The following SYNE2 variants were observed in gnomAD, a reference collection of about 807,000 sequenced individuals.
SYNE2 encodes the protein spectrin repeat containing nuclear envelope protein 2, also known as nesprin-2.
In SYNE2, 431 loss-of-function variants were observed where a neutral mutation model predicts 856.3. The ratio of observed to expected loss-of-function variants is 0.50; its 90% CI spans 0.47 to 0.55. The LOEUF is 0.55. Ranked by LOEUF, SYNE2 falls within the 20% of genes least tolerant of loss-of-function variation. SYNE2 has a pLI of 0.00. For missense variants in SYNE2, 8,129 were observed against 8,023.2 expected, an observed-to-expected ratio of 1.01 and a Z score of -0.50; for synonymous variants, 2,923 against 2,872.3, an observed-to-expected ratio of 1.02 and a Z score of -0.56.
chr14:64,177,723 GT>G (rs2098441348), intron 96 of SYNE2, among the ~76,000 whole-genome samples: 1 of 152,170 alleles, frequency 6.6e-6, no homozygotes, highest in Non-Finnish European at 1.5e-5. Context: ...GATCTTAGGG[GT>G]TTTCTCCTTC....
Position 64,052,973 on chromosome 14 carries a change from A to G in SYNE2, c.9060A>G (p.Leu3020=). The change falls in exon 48 of 116, where the codon TTA becomes TTG. Residue 3020 remains leucine (L), a synonymous_variant. Transcript: ENST00000555002. ...GGGATTTTTCACAACTTGACCAATT[A>G]CAAACCCAAGTATTTGAAAAAGAAA... ...LNWDFSQLDQ[L]QTQVFEKEKE... 5 of 1,610,598 alleles carry G rather than the reference A, an allele frequency of 3.1e-6. No individual in the cohort carries two copies. The highest frequency in any genetic ancestry group is 4.2e-6 in the Non-Finnish European group (5 of 1,179,244).
At chr14:64,098,183 C>T (rs374904510) in intron 62 of SYNE2, 37 bp downstream of exon 62, 29 of 1,603,922 alleles carry the variant, frequency 1.8e-5, no homozygotes, top group African/African-American at 5.4e-5. Context: ...GCCCCACACT[C>T]CACAAGAGCA....
intron 77 of SYNE2, 31 bp downstream of exon 77, chr14:64,132,469 G>C: frequency 6.2e-7 from 1 of 1,613,676 alleles, no homozygotes; most frequent in Non-Finnish European, 8.5e-7. Flanking sequence ...TTGTACTGAA[G>C]CTGGGAATTG....
intron 22 of SYNE2, 61 bp downstream of exon 22, chr14:63,994,030 T>C (rs1037973679): frequency 1.9e-6 from 3 of 1,558,830 alleles, no homozygotes; most frequent in Non-Finnish European, 1.8e-6. Context: ...GGGCTGTTGG[T>C]TGTCAGAGCC....
intron 1 of SYNE2, among the ~76,000 whole-genome samples, chr14:63,841,767 CAT>C (rs1381329881): frequency 6.6e-6 from 1 of 150,972 alleles, no homozygotes; most frequent in Non-Finnish European, 1.5e-5. Context: ...GGGTTTGAGA[CAT>C]ATATTTTTCT....
chr14:64,034,359 A>C, intron 45 of SYNE2: 1 of 397,120 alleles, frequency 2.5e-6, no homozygotes, highest in Non-Finnish European at 4.5e-6. Context: ...TTAAATTGCT[A>C]ATTAATACTC....
At chr14:64,137,239 G>T (rs1300926947) in intron 78 of SYNE2, among the ~76,000 whole-genome samples, 4 of 152,088 alleles carry the variant, frequency 2.6e-5, no homozygotes, top group Non-Finnish European at 4.4e-5. Context: ...TCGCTCTGTC[G>T]CTCAGGCTGG....
In SYNE2 at chr14:64,089,632, A is replaced by T. The variant is rs142616444; in HGVS notation, c.11729A>T (p.Lys3910Ile). 56 of 1,606,098 alleles carry T rather than the reference A, an allele frequency of 3.5e-5. No homozygotes were observed. The African/African-American group carries it at 6.8e-4, about 20-fold the overall frequency. The change falls in exon 59 of 116, where the codon AAA (lysine) becomes ATA (isoleucine). Residue 3910 changes from lysine to isoleucine, a missense_variant. Physicochemically the swap from Lys to Ile is moderately radical, Grantham distance 102. This residue lies in a region of SYNE2 where 5,410 missense variants were observed against 5,284.8 expected (regional missense o/e 1.02). Transcript: ENST00000555002. The stretch of plus-strand genomic sequence containing the variant: ...ATGGAAAAAAGAGTTTCAAAAATCA[A>T]AACTATCCTATTATCAAAAGAAATA... ...KSMEKRVSKI[K>I]TILLSKEIFD...
Position 63,878,164 on chromosome 14 carries a change from G to T in SYNE2, c.-52+25021G>T, listed in dbSNP as rs532132477. On this transcript the variant is annotated intron_variant, in intron 1 of 115. Coordinates refer to ENST00000555002, the MANE Select transcript of SYNE2 (RefSeq NM_182914.3). ...GGCCTCCCAAAGTGCTAGGATTACA[G>T]GCTTGAGCCATCACACCCAGCCTAA... 4.5e-4 allele frequency among the ~76,000 whole-genome samples: 69 copies of T among 152,248 alleles called. 1 individual carries two copies. In the South Asian group the frequency reaches 0.014, roughly 32 times the overall value.
chr14:64,038,589 C>T (rs1341019788), intron 45 of SYNE2, among the ~76,000 whole-genome samples: 2 of 152,346 alleles, frequency 1.3e-5, no homozygotes, highest in East Asian at 1.9e-4. Context: ...TCTGCAATCC[C>T]GGCACCTCGG....
At chr14:64,033,133 G>A (rs1316324925) in intron 45 of SYNE2, among the ~76,000 whole-genome samples, 5 of 152,124 alleles carry the variant, frequency 3.3e-5, no homozygotes, top group Admixed American at 1.3e-4. Context: ...GTGTCACTGT[G>A]CTTCAGCCTG....
At chr14:63,888,842 A>C (rs1379749861) in intron 1 of SYNE2, among the ~76,000 whole-genome samples, 1 of 152,220 alleles carries the variant, frequency 6.6e-6, no homozygotes, top group Admixed American at 6.5e-5. Flanking sequence ...GAGATTAAGA[A>C]CATGAAAATA....
intron 99 of SYNE2, among the ~76,000 whole-genome samples, chr14:64,191,867 A>G (rs2098520325): frequency 6.6e-6 from 1 of 152,224 alleles, no homozygotes; most frequent in South Asian, 2.1e-4. Flanking sequence ...CCACTTATTC[A>G]CTGTGGAAAC....
chr14:64,049,973 A>G, intron 47 of SYNE2, 97 bp downstream of exon 47: 1 of 1,412,144 alleles, frequency 7.1e-7, no homozygotes, highest in Non-Finnish European at 9.7e-7. Context: ...ATATTGTGAA[A>G]GGAAATTATG....
chr14:64,088,664 T>C (rs2097582043), intron 58 of SYNE2, among the ~76,000 whole-genome samples: 1 of 152,218 alleles, frequency 6.6e-6, no homozygotes, highest in African/African-American at 2.4e-5. Flanking sequence ...TATTTACCAA[T>C]AGCAAATATT....
At chr14:64,195,892 C>T (rs2098538746) in intron 99 of SYNE2, among the ~76,000 whole-genome samples, 1 of 152,170 alleles carries the variant, frequency 6.6e-6, no homozygotes, top group East Asian at 1.9e-4. Context: ...ATGTGAGGCT[C>T]CTCACTTCCA....
At chr14:64,209,625 A>C in intron 102 of SYNE2, 47 bp downstream of exon 102, 7 of 1,610,822 alleles carry the variant, frequency 4.3e-6, no homozygotes, top group Non-Finnish European at 5.9e-6. Context: ...CCAAGCCTGC[A>C]GCGAGCCTGG....
intron 96 of SYNE2, among the ~76,000 whole-genome samples, chr14:64,179,420 C>T (rs1008946663): frequency 2.0e-5 from 3 of 152,196 alleles, no homozygotes; most frequent in African/African-American, 7.2e-5. Flanking sequence ...GGATTACAGG[C>T]GTGAGCCACA....
At chr14:64,098,538 G>A in intron 62 of SYNE2, 1 of 621,926 alleles carries the variant, frequency 1.6e-6, no homozygotes, top group Non-Finnish European at 2.8e-6. Context: ...GGGCACAGGG[G>A]GCCATGAAAA....
Sources: allele counts gnomAD v4.1 joint callset (sites outside exome capture counted in the v4.1 genomes callset), GRCh38; gene constraint gnomAD v4.1.1; regional missense constraint gnomAD v4.1.1; transcripts MANE v1.5; gene names NCBI Gene and HGNC (gene_info 2026-07-23, HGNC 2026-07-21).